Variants in HDAC4 observed in about 807,000 individuals in gnomAD.
HDAC4 encodes histone deacetylase 4.
Under a neutral mutation model 135.1 loss-of-function variants are expected in HDAC4, and 16 were observed. That is an observed-to-expected ratio of 0.12 (90% CI 0.08 to 0.18). The LOEUF (loss-of-function observed/expected upper bound fraction) is 0.18, where lower values mean the gene tolerates loss of function less well. Among genes scored for constraint, HDAC4 ranks in the 10% least tolerant of loss-of-function variants. The pLI is 1.00. For synonymous variants in HDAC4, 685 were observed against 653.4 expected, an observed-to-expected ratio of 1.05 and a Z score of -0.74; for missense variants, 1,143 against 1,511.8, an observed-to-expected ratio of 0.76 and a Z score of 4.05.
At chr2:239,385,476 G>A (rs56288933) in intron 1 of HDAC4, among the ~76,000 whole-genome samples, 9 of 152,338 alleles carry the variant, frequency 5.9e-5, no homozygotes, top group African/African-American at 9.6e-5. Flanking sequence ...TGGCCAGAGC[G>A]GGAAGGCAGA....
At chr2:239,320,838 T>C (rs1007397100) in intron 2 of HDAC4, among the ~76,000 whole-genome samples, 1 of 152,236 alleles carries the variant, frequency 6.6e-6, no homozygotes, top group Non-Finnish European at 1.5e-5. Flanking sequence ...ATTTTTGCTT[T>C]CAAATGATCC....
chr2:239,388,890 C>G (rs1343295882), intron 1 of HDAC4, among the ~76,000 whole-genome samples: 3 of 152,212 alleles, frequency 2.0e-5, no homozygotes, highest in Admixed American at 2.0e-4. Context: ...CTTCCAGGGC[C>G]CCGGGTTTTC....
intron 2 of HDAC4, among the ~76,000 whole-genome samples, chr2:239,250,076 C>A (rs780036000): frequency 6.6e-6 from 1 of 152,262 alleles, no homozygotes; most frequent in Admixed American, 6.5e-5. Context: ...TGATGGCCAC[C>A]GCGGCCTCTC....
At chr2:239,108,432 C>G (rs562614014) in intron 14 of HDAC4, among the ~76,000 whole-genome samples, 25 of 152,312 alleles carry the variant, frequency 1.6e-4, no homozygotes, top group African/African-American at 5.5e-4. Flanking sequence ...AGTAACGCCC[C>G]AGGACCCAGG....
chr2:239,108,814 T>C (rs1203098009), intron 14 of HDAC4, among the ~76,000 whole-genome samples: 1 of 152,220 alleles, frequency 6.6e-6, no homozygotes, highest in Non-Finnish European at 1.5e-5. Context: ...AGGCCAGCCA[T>C]GTGCTCACCA....
chr2:239,354,019 G>C (rs1265341843), intron 1 of HDAC4, among the ~76,000 whole-genome samples: 1 of 152,072 alleles, frequency 6.6e-6, no homozygotes, highest in Non-Finnish European at 1.5e-5. Context: ...GCTTATAAAA[G>C]CAATACATGC....
chr2:239,182,562 T>C (rs2044220407), intron 4 of HDAC4, among the ~76,000 whole-genome samples: 1 of 152,188 alleles, frequency 6.6e-6, no homozygotes, highest in Non-Finnish European at 1.5e-5. Context: ...CAGTGACTGA[T>C]TCCCTACCTG....
At chr2:239,253,939 C>T (rs2048921693) in intron 2 of HDAC4, among the ~76,000 whole-genome samples, 1 of 152,114 alleles carries the variant, frequency 6.6e-6, no homozygotes, top group Admixed American at 6.5e-5. Flanking sequence ...CCGGGCAGAA[C>T]TCTTGGAGGA....
intron 15 of HDAC4, 81 bp downstream of exon 15, chr2:239,107,969 C>A (rs1268848993): frequency 1.1e-5 from 18 of 1,566,650 alleles, no homozygotes; most frequent in African/African-American, 4.0e-5. Flanking sequence ...AAAACCAACA[C>A]CCTGAATCAC....
intron 15 of HDAC4, among the ~76,000 whole-genome samples, chr2:239,103,208 T>A (rs773814978): frequency 6.6e-6 from 1 of 152,220 alleles, no homozygotes; most frequent in Non-Finnish European, 1.5e-5. Flanking sequence ...ATTACTTTGC[T>A]TTCCAGCTGC....
intron 2 of HDAC4, among the ~76,000 whole-genome samples, chr2:239,341,705 A>T (rs971211346): frequency 6.6e-6 from 1 of 152,234 alleles, no homozygotes; most frequent in Admixed American, 6.5e-5. Context: ...ACTCATAGGT[A>T]TTTAAAAAGG....
At chr2:239,394,460 G>A (rs752408923) in intron 1 of HDAC4, among the ~76,000 whole-genome samples, 10 of 152,244 alleles carry the variant, frequency 6.6e-5, no homozygotes, top group South Asian at 4.1e-4. Flanking sequence ...GGCCCTGGGC[G>A]AAGCGGCTGG....
intron 21 of HDAC4, 58 bp from the exon 22 acceptor site, chr2:239,081,250 G>C (rs2035292335): frequency 6.9e-7 from 1 of 1,444,490 alleles, no homozygotes; most frequent in Admixed American, 1.9e-5. Flanking sequence ...CTGTCTGACA[G>C]GAACGCCTGA....
chr2:239,204,968 C>T (rs1273365540), intron 3 of HDAC4, among the ~76,000 whole-genome samples: 1 of 152,180 alleles, frequency 6.6e-6, no homozygotes, highest in Non-Finnish European at 1.5e-5. Context: ...CTCCTCCCTA[C>T]CCCACCTGTC....
chr2:239,176,685 C>T, intron 4 of HDAC4, 122 bp from the exon 5 acceptor site: 1 of 797,968 alleles, frequency 1.3e-6, no homozygotes, highest in South Asian at 1.6e-5. Context: ...GCCCTGGGCA[C>T]TGCCCTGCCC....
intron 2 of HDAC4, among the ~76,000 whole-genome samples, chr2:239,280,216 G>A (rs76138688): frequency 6.6e-6 from 1 of 151,976 alleles, no homozygotes; most frequent in Non-Finnish European, 1.5e-5. Flanking sequence ...ATATTCTCTC[G>A]TTTTTAACAA....
chr2:239,188,360 G>A (rs1309078242), intron 4 of HDAC4, among the ~76,000 whole-genome samples: 3 of 152,234 alleles, frequency 2.0e-5, no homozygotes, highest in South Asian at 2.1e-4. Context: ...ACATATAAAG[G>A]AAGGGAAACT....
At chr2:239,113,286 G>A (rs2038841414) in intron 13 of HDAC4, among the ~76,000 whole-genome samples, 1 of 152,114 alleles carries the variant, frequency 6.6e-6, no homozygotes, top group Non-Finnish European at 1.5e-5. Context: ...AGCCAGGAGG[G>A]AGCAGAGAAG....
intron 3 of HDAC4, among the ~76,000 whole-genome samples, chr2:239,193,223 G>A (rs972817190): frequency 2.0e-5 from 3 of 152,258 alleles, no homozygotes; most frequent in African/African-American, 4.8e-5. Context: ...GGCCTGACCC[G>A]CTGCTGGCTT....
Sources: allele counts gnomAD v4.1 joint callset (sites outside exome capture counted in the v4.1 genomes callset), GRCh38; gene constraint gnomAD v4.1.1; transcripts MANE v1.5; gene names NCBI Gene and HGNC (gene_info 2026-07-23, HGNC 2026-07-21).